Variants in TLL2 observed in about 807,000 individuals in gnomAD.
The protein encoded by TLL2 is tolloid-like protein 2.
In TLL2, 106 loss-of-function variants were observed where a neutral mutation model predicts 123.0. The observed-to-expected ratio is 0.86, with a 90% confidence interval of 0.74 to 1.01. TLL2 has a LOEUF of 1.01. Ranked by LOEUF, TLL2 falls within the 50% of genes least tolerant of loss-of-function variation. The pLI is 0.00. For synonymous variants in TLL2, 494 were observed against 516.8 expected, an observed-to-expected ratio of 0.96 and a Z score of 0.60; for missense variants, 1,332 against 1,336.7, an observed-to-expected ratio of 1.00 and a Z score of 0.06.
chr10:96,427,922 G>A (rs995441624), intron 5 of TLL2, among the ~76,000 whole-genome samples: 1 of 152,130 alleles, frequency 6.6e-6, no homozygotes, highest in Non-Finnish European at 1.5e-5. Flanking sequence ...AGCCTCCCAG[G>A]TAGCTGGGAT....
intron 1 of TLL2, among the ~76,000 whole-genome samples, chr10:96,500,969 G>A (rs12244790): frequency 0.096 from 14,609 of 152,204 alleles, 753 homozygotes; most frequent in Non-Finnish European, 0.1. Context: ...GTCATAGAGA[G>A]AGGTTCATGG....
chr10:96,380,291 C>G (rs2093558), intron 16 of TLL2, among the ~76,000 whole-genome samples: 57 of 151,980 alleles, frequency 3.8e-4, no homozygotes, highest in Non-Finnish European at 6.6e-4. Flanking sequence ...CTGCCATCAC[C>G]AGAATGACTT....
intron 4 of TLL2, among the ~76,000 whole-genome samples, chr10:96,431,368 G>T (rs913030785): frequency 6.6e-6 from 1 of 152,150 alleles, no homozygotes; most frequent in African/African-American, 2.4e-5. Context: ...CTGCCCTGCT[G>T]CTGAGGTCTT....
Position 96,368,198 on chromosome 10 carries a change from CT to C in TLL2, c.2937del (p.Gly980ValfsTer4), listed in dbSNP as rs776805842. 1 of 1,614,154 alleles carries C rather than the reference CT, an allele frequency of 6.2e-7. No individual in the cohort carries two copies. Among genetic ancestry groups the C allele is most frequent in the Admixed American group, 1.7e-5 (1 of 60,026 alleles). On this transcript the variant is annotated frameshift_variant, in exon 21 of 21. Coordinates refer to ENST00000357947, the MANE Select transcript of TLL2 (RefSeq NM_012465.4). LOFTEE classifies it high-confidence loss of function. ...GSGPLEEIYS[A>X]GDSLMIRFRT... The stretch of plus-strand genomic sequence containing the variant: ...CGGAATCGAATCATCAGGGAATCAC[CT>C]GCAGAGTAGATTTCTTCTAATGGCT...
chr10:96,383,403 T>C (rs1315403359), intron 16 of TLL2, among the ~76,000 whole-genome samples: 1 of 152,114 alleles, frequency 6.6e-6, no homozygotes, highest in East Asian at 1.9e-4. Flanking sequence ...TGGGAGAGAA[T>C]TGAATCATGG....
Position 96,513,596 on chromosome 10 carries a change from C to T in TLL2, c.90G>A (p.Pro30=). 4 of 1,605,848 alleles carry T rather than the reference C, an allele frequency of 2.5e-6. No homozygotes were observed. Among genetic ancestry groups the T allele is most frequent in the East Asian group, 4.5e-5 (2 of 44,586 alleles). Residue 30 remains proline (P), a synonymous_variant, in exon 1 of 21, where the codon CCG becomes CCA. Coordinates refer to ENST00000357947, the MANE Select transcript of TLL2 (RefSeq NM_012465.4). ...GCTCTGAGTAGTCTGCGGTGGCGTC[C>T]GGGCGCTCCCCGAGTCCCCCGGCGC... The part of the protein sequence containing the change: ...PRGAGGLGER[P]DATADYSELD...
chr10:96,493,625 G>A (rs1479502420), intron 1 of TLL2, among the ~76,000 whole-genome samples: 1 of 152,052 alleles, frequency 6.6e-6, no homozygotes, highest in African/African-American at 2.4e-5. Context: ...ATTGGGGAAC[G>A]GGATCCTGAG....
chr10:96,420,794 T>A (rs1564903692), intron 7 of TLL2, among the ~76,000 whole-genome samples, 162 bp downstream of exon 7: 1 of 152,160 alleles, frequency 6.6e-6, no homozygotes, highest in Non-Finnish European at 1.5e-5. Flanking sequence ...CCTGATTAGA[T>A]TATATTTCAC....
At chr10:96,471,624 C>A (rs899986469) in intron 2 of TLL2, among the ~76,000 whole-genome samples, 1 of 152,184 alleles carries the variant, frequency 6.6e-6, no homozygotes, top group Non-Finnish European at 1.5e-5. Flanking sequence ...CTTATTTAAT[C>A]CTCGCTGTGA....
At chr10:96,493,234 A>G (rs1233350204) in intron 1 of TLL2, among the ~76,000 whole-genome samples, 1 of 152,168 alleles carries the variant, frequency 6.6e-6, no homozygotes, top group Non-Finnish European at 1.5e-5. Context: ...TCTCAATTCT[A>G]ACTCTTAACT....
Position 96,476,436 on chromosome 10 carries a change from T to A in TLL2, c.286+3913A>T, listed in dbSNP as rs569085284. Among the ~76,000 whole-genome samples the A allele has an allele frequency of 6.0e-5, 9 of 150,842 alleles. No individual in the cohort carries two copies. In the South Asian group the frequency reaches 1.3e-3, roughly 21 times the overall value. ...CCACCATGCCCGGCTAATTTTTGTA[T>A]TTTTTAGTAGAGACAGGGTTTCACC... is the stretch of plus-strand genomic sequence containing the variant. On this transcript the variant is annotated intron_variant, in intron 2 of 20. Transcript: ENST00000357947.
At chr10:96,480,315 A>G (rs1487132773) in intron 2 of TLL2, 34 bp downstream of exon 2, 1 of 1,566,476 alleles carries the variant, frequency 6.4e-7, no homozygotes, top group Admixed American at 1.7e-5. Flanking sequence ...CATCCCTCCC[A>G]TCTGGGCAGG....
intron 17 of TLL2, among the ~76,000 whole-genome samples, 193 bp downstream of exon 17, chr10:96,378,774 G>A (rs1490495307): frequency 6.6e-6 from 1 of 152,200 alleles, no homozygotes; most frequent in African/African-American, 2.4e-5. Flanking sequence ...GAGCACCTGA[G>A]GCCCCCAGGT....
intron 7 of TLL2, among the ~76,000 whole-genome samples, 177 bp downstream of exon 7, chr10:96,420,779 G>C (rs987059407): frequency 2.6e-5 from 4 of 152,074 alleles, no homozygotes; most frequent in African/African-American, 9.7e-5. Context: ...TCTTATTAAC[G>C]GGAACCTGAT....
At chr10:96,500,081 G>C (rs1847518484) in intron 1 of TLL2, among the ~76,000 whole-genome samples, 2 of 124,942 alleles carry the variant, frequency 1.6e-5, no homozygotes, top group Admixed American at 2.1e-4. Flanking sequence ...AGGAGTTTGA[G>C]ACCAGCCTGG....
At chr10:96,488,387 G>T (rs1461520271) in intron 1 of TLL2, among the ~76,000 whole-genome samples, 8 of 152,202 alleles carry the variant, frequency 5.3e-5, no homozygotes, top group Admixed American at 3.9e-4. Flanking sequence ...AAGCCCCCAT[G>T]GTGTGGGACT....
In TLL2 at chr10:96,513,743, C is replaced by G. The variant is rs1847656372; in HGVS notation, c.-58G>C. 1 of 1,419,292 alleles carries G rather than the reference C, an allele frequency of 7.0e-7. No individual in the cohort carries two copies. Among genetic ancestry groups the G allele is most frequent in the Non-Finnish European group, 9.2e-7 (1 of 1,087,042 alleles). 87.9% of individuals were successfully genotyped at this position (1,419,292 alleles called of 1,614,324 possible). ...TGCGTGCACGAAAGCTCAGCTCGGCCGAAAGACGGCGCACACTGGGTCGGT... is the reference window on the plus strand; with the variant it reads ...TGCGTGCACGAAAGCTCAGCTCGGCGGAAAGACGGCGCACACTGGGTCGGT... On this transcript the variant is annotated 5_prime_UTR_variant, in exon 1 of 21. Coordinates refer to ENST00000357947, the MANE Select transcript of TLL2 (RefSeq NM_012465.4).
At chr10:96,452,049 C>T (rs1428894671) in intron 2 of TLL2, among the ~76,000 whole-genome samples, 3 of 152,256 alleles carry the variant, frequency 2.0e-5, no homozygotes, top group Non-Finnish European at 2.9e-5. Flanking sequence ...TCATTCAGTA[C>T]GCCTTGGTGG....
At chr10:96,377,224 A>G (rs1010013618) in intron 17 of TLL2, among the ~76,000 whole-genome samples, 9 of 152,200 alleles carry the variant, frequency 5.9e-5, no homozygotes, top group African/African-American at 9.7e-5. Context: ...TCAGGGTGAT[A>G]TGTGATCGAA....
Sources: gnomAD v4.1 joint callset for allele counts (sites outside exome capture counted in the v4.1 genomes callset) on GRCh38, gnomAD v4.1.1 for gene constraint, MANE v1.5 for transcripts, NCBI Gene and HGNC (gene_info 2026-07-23, HGNC 2026-07-21) for gene names.